RBM47: variants seen among roughly 807,000 people sequenced by gnomAD.
RBM47 encodes the protein RNA-binding protein 47.
In RBM47, 21 loss-of-function variants were observed where a neutral mutation model predicts 47.1. The observed-to-expected ratio is 0.45, with a 90% CI of 0.32 to 0.64. The LOEUF (loss-of-function observed/expected upper bound fraction) is 0.64. RBM47 is among the 30% of genes least tolerant of loss of function. The pLI is 0.05. For missense variants in RBM47, 708 were observed against 870.9 expected, an observed-to-expected ratio of 0.81 and a Z score of 2.35; for synonymous variants, 375 against 361.7, an observed-to-expected ratio of 1.04 and a Z score of -0.42.
intron 1 of RBM47, among the ~76,000 whole-genome samples, chr4:40,616,704 G>A (rs1233930907): frequency 2.6e-5 from 4 of 151,942 alleles, no homozygotes; most frequent in Admixed American, 6.6e-5. Flanking sequence ...AAACACAGCA[G>A]ACCCTTTTTA....
chr4:40,431,656 T>TA (rs552107936), intron 6 of RBM47, among the ~76,000 whole-genome samples: 1 of 58,246 alleles, frequency 1.7e-5, no homozygotes. Context: ...AGACTCCGTC[T>TA]AAAAAAAAAA....
intron 1 of RBM47, among the ~76,000 whole-genome samples, chr4:40,571,890 G>A (rs1731754574): frequency 6.6e-6 from 1 of 151,686 alleles, no homozygotes; most frequent in African/African-American, 2.4e-5. Flanking sequence ...AGGCGTGGTG[G>A]TCCATGCCTG....
chr4:40,474,195 A>G (rs1356939250), intron 2 of RBM47, among the ~76,000 whole-genome samples: 32 of 152,214 alleles, frequency 2.1e-4, no homozygotes, highest in Admixed American at 2.1e-3. Context: ...TTGAACTACA[A>G]ATTGCAGCAA....
intron 2 of RBM47, among the ~76,000 whole-genome samples, chr4:40,528,476 A>G (rs1160732055): frequency 6.6e-6 from 1 of 151,996 alleles, no homozygotes; most frequent in Non-Finnish European, 1.5e-5. Flanking sequence ...AAGCAAATAT[A>G]TTCTTCCTTG....
At chr4:40,561,897 G>C (rs937406070) in intron 1 of RBM47, among the ~76,000 whole-genome samples, 1 of 151,990 alleles carries the variant, frequency 6.6e-6, no homozygotes, top group African/African-American at 2.4e-5. Context: ...AGAAATCTCT[G>C]TCCTTCTCTC....
chr4:40,521,856 G>A (rs1199449456), intron 2 of RBM47, among the ~76,000 whole-genome samples: 1 of 152,032 alleles, frequency 6.6e-6, no homozygotes, highest in Non-Finnish European at 1.5e-5. Context: ...GCTGTGCAAG[G>A]AGAAGAAAAA....
intron 1 of RBM47, among the ~76,000 whole-genome samples, chr4:40,605,424 T>C (rs191711602): frequency 1.6e-3 from 247 of 152,330 alleles, no homozygotes; most frequent in South Asian, 2.3e-3. Context: ...CAAACCTCAT[T>C]CTGTAAGCCC....
chr4:40,485,812 C>A (rs957738244), intron 2 of RBM47, among the ~76,000 whole-genome samples: 1 of 150,950 alleles, frequency 6.6e-6, no homozygotes, highest in Admixed American at 6.6e-5. Context: ...GTAATCCTAG[C>A]ATTTTGGGAG....
At chr4:40,542,303 T>TC (rs1320003995) in intron 2 of RBM47, among the ~76,000 whole-genome samples, 2 of 151,876 alleles carry the variant, frequency 1.3e-5, no homozygotes, top group Non-Finnish European at 2.9e-5. Context: ...CCTTTCCCTT[T>TC]CCCCCCATAG....
intron 1 of RBM47, among the ~76,000 whole-genome samples, chr4:40,568,428 C>CAAAAAAAAAAA (rs35434439): frequency 6.9e-5 from 4 of 57,576 alleles, no homozygotes; most frequent in Admixed American, 4.6e-4. Flanking sequence ...AACCCTGTCT[C>CAAAAAAAAAAA]AAAAAAAAAA....
chr4:40,482,316 C>T (rs1009515867), intron 2 of RBM47, among the ~76,000 whole-genome samples: 4 of 151,920 alleles, frequency 2.6e-5, no homozygotes, highest in Admixed American at 6.6e-5. Context: ...CACAGTGGCG[C>T]GATCTCAGCT....
chr4:40,504,561 G>A (rs962037539), intron 2 of RBM47, among the ~76,000 whole-genome samples: 2 of 152,016 alleles, frequency 1.3e-5, no homozygotes, highest in African/African-American at 2.4e-5. Context: ...CCAAAGTGCC[G>A]GGATTACAGG....
intron 1 of RBM47, among the ~76,000 whole-genome samples, chr4:40,575,961 G>C (rs976858400): frequency 1.3e-5 from 2 of 152,194 alleles, no homozygotes; most frequent in Non-Finnish European, 2.9e-5. Flanking sequence ...AAGAAATGGG[G>C]GCCTGCCAGT....
At chr4:40,583,388 GAAA>G (rs56371832) in intron 1 of RBM47, among the ~76,000 whole-genome samples, 5,811 of 91,038 alleles carry the variant, frequency 0.064, 381 homozygotes, top group Middle Eastern at 0.12. Flanking sequence ...CTCCATCTCA[GAAA>G]AAAAAAAAAA....
chr4:40,425,732 G>C lies in RBM47; in HGVS notation c.*172C>G. Reference sequence around the variant, plus strand: ...ACGTAGGCATGCTAAGTTGAAAATAGTCTTAAAAAACTAGTGAAAACTTCA... The same window carrying C: ...ACGTAGGCATGCTAAGTTGAAAATACTCTTAAAAAACTAGTGAAAACTTCA... On this transcript the variant is annotated 3_prime_UTR_variant, in exon 7 of 7. Coordinates refer to ENST00000295971, the MANE Select transcript of RBM47 (RefSeq NM_001098634.2). 1.0e-6 allele frequency: 1 copy of C among 969,334 alleles called. No homozygotes were observed. Among genetic ancestry groups the C allele is most frequent in the Non-Finnish European group, 1.5e-6 (1 of 678,590 alleles). The allele number at this position is 969,334 out of a possible 1,614,324, so 60.0% of individuals were successfully genotyped here. A position where few individuals can be genotyped will look rare whatever the true frequency, so the allele number is the denominator to read the frequency against.
chr4:40,573,422 G>A (rs1731931059), intron 1 of RBM47, among the ~76,000 whole-genome samples: 1 of 151,698 alleles, frequency 6.6e-6, no homozygotes, highest in African/African-American at 2.4e-5. Flanking sequence ...GTCTTCAGTA[G>A]TTAAGAAAAG....
chr4:40,573,152 CA>C (rs369450436), intron 1 of RBM47, among the ~76,000 whole-genome samples: 11,592 of 63,904 alleles, frequency 0.18, 711 homozygotes, highest in African/African-American at 0.35. Flanking sequence ...GACTTCATCT[CA>C]AAAAAAAAAA....
rs2154206901 is a variant in RBM47 at position 40,424,070 on chromosome 4, T to A, written c.*1834A>T. ...ATTTTATAGAATAGTTAAATAAATA[T>A]TGCTTACACATAAAAACTCATCTCA... On this transcript the variant is annotated 3_prime_UTR_variant, in exon 7 of 7. Transcript: ENST00000295971. 6.6e-6 allele frequency: 1 copy of A among 152,292 alleles called. No individual in the cohort carries two copies. The highest frequency in any genetic ancestry group is 1.5e-5 in the Non-Finnish European group (1 of 68,018). The allele number at this position is 152,292 out of a possible 1,614,324, so 9.4% of individuals were successfully genotyped here. A position where few individuals can be genotyped will look rare whatever the true frequency, so the allele number is the denominator to read the frequency against.
At chr4:40,523,708 A>G (rs1020064406) in intron 2 of RBM47, among the ~76,000 whole-genome samples, 1 of 151,808 alleles carries the variant, frequency 6.6e-6, no homozygotes, top group Non-Finnish European at 1.5e-5. Flanking sequence ...TACAAAAAAT[A>G]CCAAAAATTA....
Sources: allele counts gnomAD v4.1 joint callset (sites outside exome capture counted in the v4.1 genomes callset), GRCh38; gene constraint gnomAD v4.1.1; transcripts MANE v1.5; gene names NCBI Gene and HGNC (gene_info 2026-07-23, HGNC 2026-07-21).